KIF3A: variants seen among roughly 807,000 people sequenced by gnomAD.
The protein encoded by KIF3A is kinesin family member 3A.
KIF3A carries 27 observed loss-of-function variants against 92.6 expected under a neutral mutation model. The ratio of observed to expected loss-of-function variants is 0.29; its 90% CI spans 0.21 to 0.40. The LOEUF (loss-of-function observed/expected upper bound fraction) is 0.40. KIF3A is among the 10% of genes least tolerant of loss of function. KIF3A has a pLI of 1.00. For missense variants in KIF3A, 581 were observed against 872.6 expected (o/e 0.67, Z 4.21); for synonymous variants, 250 against 275.4 (o/e 0.91, Z 0.92).
chr5:132,705,753 A>G (rs552325718), intron 11 of KIF3A, among the ~76,000 whole-genome samples: 1 of 152,056 alleles, frequency 6.6e-6, no homozygotes, highest in Admixed American at 6.5e-5. Flanking sequence ...ACAAATCATT[A>G]TATTTCTCCA....
intron 18 of KIF3A, among the ~76,000 whole-genome samples, chr5:132,698,855 A>G (rs1752927020): frequency 6.7e-6 from 1 of 150,116 alleles, no homozygotes; most frequent in African/African-American, 2.5e-5. Flanking sequence ...CTCATGCCTC[A>G]GCCTCCCCAG....
chr5:132,706,402 T>C, intron 11 of KIF3A, 49 bp downstream of exon 11: 3 of 1,416,892 alleles, frequency 2.1e-6, no homozygotes, highest in Non-Finnish European at 2.8e-6. Context: ...CATAGTTCTT[T>C]ATAGGATAAA....
Position 132,693,511 on chromosome 5 carries a change from TC to T in KIF3A, c.*3122del, listed in dbSNP as rs776444088. 1.3e-5 allele frequency: 2 copies of T among 152,738 alleles called. No individual in the cohort carries two copies. The highest frequency in any genetic ancestry group is 2.9e-5 in the Non-Finnish European group (2 of 68,044). The allele number at this position is 152,738 out of a possible 1,614,324, so 9.5% of individuals were successfully genotyped here. ...CTCATTTTAAATCTGCATATTTATT[TC>T]AAAAAATGAGCAAGTGTGTTCATCT... On this transcript the variant is annotated 3_prime_UTR_variant, in exon 19 of 19. Transcript: ENST00000403231.
In KIF3A at chr5:132,693,502, A is replaced by G. The variant is rs1194543942; in HGVS notation, c.*3132T>C. On this transcript the variant is annotated 3_prime_UTR_variant, in exon 19 of 19. Transcript: ENST00000403231. ...TATGTGCCACTCATTTTAAATCTGC[A>G]TATTTATTTCAAAAAATGAGCAAGT... is the stretch of plus-strand genomic sequence containing the variant. 3 of 152,772 alleles carry G rather than the reference A, an allele frequency of 2.0e-5. No homozygotes were observed. The highest frequency in any genetic ancestry group is 4.4e-5 in the Non-Finnish European group (3 of 68,038). 9.5% of individuals were successfully genotyped at this position (152,772 alleles called of 1,614,324 possible). A position where few individuals can be genotyped will look rare whatever the true frequency, so the allele number is the denominator to read the frequency against.
At chr5:132,713,168 AAAC>A (rs139928256) in intron 8 of KIF3A, among the ~76,000 whole-genome samples, 5,661 of 152,006 alleles carry the variant, frequency 0.037, 264 homozygotes, top group African/African-American at 0.11. Context: ...AACAAAAAAC[AAAC>A]AACAACAACA....
intron 11 of KIF3A, 78 bp downstream of exon 11, chr5:132,706,373 A>T: frequency 9.5e-7 from 1 of 1,056,900 alleles, no homozygotes; most frequent in East Asian, 3.1e-5. Context: ...AATTTTAAAA[A>T]TTTAATGTAT....
At chr5:132,689,036 A>G (rs1752605441), downstream of KIF3A, among the ~76,000 whole-genome samples, 1 of 152,212 alleles carries the variant, frequency 6.6e-6, no homozygotes, top group Admixed American at 6.5e-5. Flanking sequence ...CGTTGATAAA[A>G]GTCACTTGAA....
In KIF3A at chr5:132,703,434, T is replaced by A. The variant is rs780206756; in HGVS notation, c.1466+29A>T. The A allele has an allele frequency of 2.6e-6, 4 of 1,534,234 alleles. No homozygotes were observed. In the South Asian group the frequency reaches 4.8e-5, roughly 18 times the overall value. ...TAGGAAAAAACAGAAATTTAAATCA[T>A]GAATTCATCTCAATTCAATAATACT... is the stretch of plus-strand genomic sequence containing the variant. On this transcript the variant is annotated intron_variant, in intron 12 of 18. Transcript: ENST00000403231.
At chr5:132,716,485 A>G in intron 6 of KIF3A, 43 bp from the exon 7 acceptor site, 1 of 1,478,950 alleles carries the variant, frequency 6.8e-7, no homozygotes, top group Non-Finnish European at 9.3e-7. Flanking sequence ...AATTTTTTTA[A>G]AAATAGAATA....
intron 7 of KIF3A, 35 bp downstream of exon 7, chr5:132,716,210 G>T: frequency 6.8e-7 from 1 of 1,466,920 alleles, no homozygotes; most frequent in Non-Finnish European, 9.5e-7. Flanking sequence ...TCTTAAATTT[G>T]CCTGATGTTA....
chr5:132,695,535 A>G lies in KIF3A; in HGVS notation c.*1099T>C, dbSNP rs1251688724. On this transcript the variant is annotated 3_prime_UTR_variant, in exon 19 of 19. Coordinates refer to ENST00000403231, the MANE Select transcript of KIF3A (RefSeq NM_001300791.2). ...CATAAGCAGCTAACAACAGAAAAAA[A>G]TAATTATCTCTATTACAACTTACTT... is the stretch of plus-strand genomic sequence containing the variant. The G allele has an allele frequency of 6.6e-6, 1 of 152,396 alleles. No homozygotes were observed. Among genetic ancestry groups the G allele is most frequent in the Non-Finnish European group, 1.5e-5 (1 of 68,052 alleles). 9.4% of individuals were successfully genotyped at this position (152,396 alleles called of 1,614,324 possible). A position where few individuals can be genotyped will look rare whatever the true frequency, so the allele number is the denominator to read the frequency against.
rs748318132 is a variant in KIF3A at position 132,694,088 on chromosome 5, T to C, written c.*2546A>G. The C allele has an allele frequency of 6.6e-6, 1 of 152,048 alleles. No homozygotes were observed. The highest frequency in any genetic ancestry group is 2.1e-4 in the South Asian group (1 of 4,824). The allele number at this position is 152,048 out of a possible 1,614,324, so 9.4% of individuals were successfully genotyped here. On this transcript the variant is annotated 3_prime_UTR_variant, in exon 19 of 19. Transcript: ENST00000403231. ...ATAATCAGTTTTAACATAATGCTTT[T>C]TTTAAAAAACTGCTATAGTAGGCGG...
chr5:132,700,194 G>T (rs547063863), intron 17 of KIF3A, 22 bp downstream of exon 17: 35 of 1,353,266 alleles, frequency 2.6e-5, no homozygotes, highest in South Asian at 1.0e-4. Flanking sequence ...GTTTTGTTTT[G>T]TTTTTTTTTA....
At chr5:132,691,797 G>C (rs1018498772), downstream of KIF3A, among the ~76,000 whole-genome samples, 1 of 151,066 alleles carries the variant, frequency 6.6e-6, no homozygotes, top group Non-Finnish European at 1.5e-5. Context: ...AGCTACTCAG[G>C]AGGCTGAGGC....
At chr5:132,730,509 G>A (rs1311265021) in intron 2 of KIF3A, among the ~76,000 whole-genome samples, 2 of 151,606 alleles carry the variant, frequency 1.3e-5, no homozygotes, top group South Asian at 2.1e-4. Context: ...TAACCTGGCC[G>A]GGCACGGTAG....
chr5:132,737,524 C>G lies in KIF3A; in HGVS notation c.-105G>C. The G allele has an allele frequency of 1.2e-5, 16 of 1,354,956 alleles. 1 individual carries two copies. In the South Asian group the frequency reaches 2.0e-4, roughly 17 times the overall value. 83.9% of individuals were successfully genotyped at this position (1,354,956 alleles called of 1,614,324 possible). A position where few individuals can be genotyped will look rare whatever the true frequency, so the allele number is the denominator to read the frequency against. On this transcript the variant is annotated 5_prime_UTR_variant, in exon 1 of 19. Coordinates refer to ENST00000403231, the MANE Select transcript of KIF3A (RefSeq NM_001300791.2). ...AGAGACTACCGAAACACCTCGTTGA[C>G]GCTCTCGAGACTGCGGCTTCTCGGG... is the stretch of plus-strand genomic sequence containing the variant.
intron 10 of KIF3A, among the ~76,000 whole-genome samples, chr5:132,708,238 C>T (rs1321364077): frequency 6.7e-6 from 1 of 148,236 alleles, no homozygotes; most frequent in Non-Finnish European, 1.5e-5. Flanking sequence ...GCCAAGACTG[C>T]GCCACTGCAC....
chr5:132,724,807 ATAT>A (rs1328429601), intron 4 of KIF3A, among the ~76,000 whole-genome samples: 136 of 30,014 alleles, frequency 4.5e-3, no homozygotes, highest in Middle Eastern at 0.015. Context: ...AAAAAAAAAA[ATAT>A]ATATATATAT....
At chr5:132,689,164 C>T (rs762796988), downstream of KIF3A, among the ~76,000 whole-genome samples, 45 of 152,166 alleles carry the variant, frequency 3.0e-4, no homozygotes, top group Non-Finnish European at 1.0e-4. Context: ...GACTGAATAC[C>T]TGATTTGCTT....
Sources: allele counts gnomAD v4.1 joint callset (sites outside exome capture counted in the v4.1 genomes callset), GRCh38; gene constraint gnomAD v4.1.1; transcripts MANE v1.5; gene names NCBI Gene and HGNC (gene_info 2026-07-23, HGNC 2026-07-21).